SNTG1: variants seen among roughly 807,000 people sequenced by gnomAD.
SNTG1 encodes the protein syntrophin gamma 1, also known as gamma-1-syntrophin.
A neutral mutation model predicts 74.7 loss-of-function variants in SNTG1; 39 were observed. The observed-to-expected ratio is 0.52, with a 90% confidence interval of 0.40 to 0.68. The LOEUF is 0.68. Ranked by LOEUF, SNTG1 falls within the 30% of genes least tolerant of loss-of-function variation. The probability of loss-of-function intolerance (pLI) is 0.00; values close to 1 mark genes in which losing one functional copy is unlikely to be tolerated. For synonymous variants in SNTG1, 254 were observed against 217.1 expected, an observed-to-expected ratio of 1.17 and a Z score of -1.49; for missense variants, 685 against 609.5, an observed-to-expected ratio of 1.12 and a Z score of -1.30.
chr8:49,917,083 T>C (rs6991925), intron 1 of SNTG1, among the ~76,000 whole-genome samples: 78,271 of 151,740 alleles, frequency 0.52, 22,745 homozygotes, highest in East Asian at 0.83. Context: ...GAAATAAGTA[T>C]GTGAGATTAA....
rs190860916 is a variant in SNTG1, at chr8:50,115,719, T to C, written c.-102-56842T>C. On this transcript the variant is annotated intron_variant, in intron 1 of 18. Coordinates refer to ENST00000642720, the MANE Select transcript of SNTG1 (RefSeq NM_018967.5). The stretch of plus-strand genomic sequence containing the variant: ...TGTGTGTGTGTCTAGAACTTTATTG[T>C]TTACATTGCATTTTATTGTTTACAT... Among the ~76,000 whole-genome samples, 9 of 152,080 alleles carry C rather than the reference T, an allele frequency of 5.9e-5. No homozygotes were observed. In the East Asian group the frequency reaches 1.7e-3, roughly 29 times the overall value.
At chr8:50,764,858 C>A (rs1248102483) in intron 18 of SNTG1, among the ~76,000 whole-genome samples, 2 of 151,786 alleles carry the variant, frequency 1.3e-5, no homozygotes, top group African/African-American at 2.4e-5. Flanking sequence ...CTCACAATAG[C>A]CAACACACAG....
chr8:50,704,614 G>A lies in SNTG1; in HGVS notation c.1053G>A (p.Leu351=). ...GTTTTCACCAGGACAGTGACCTGCTGGACCGACGGAAACAGTGCTTCACCG... is the reference window on the plus strand; with the variant it reads ...GTTTTCACCAGGACAGTGACCTGCTAGACCGACGGAAACAGTGCTTCACCG... ...MCKILKDSDL[L]DRRKQCFTVQ... is the part of the protein sequence containing the mutation. The change falls in exon 16 of 19, where the codon CTG becomes CTA. Residue 351 remains leucine (L), a synonymous_variant. Transcript: ENST00000642720. 1 of 1,614,120 alleles carries A rather than the reference G, an allele frequency of 6.2e-7. No homozygotes were observed. The highest frequency in any genetic ancestry group is 8.5e-7 in the Non-Finnish European group (1 of 1,180,018).
At chr8:50,701,015 G>A (rs2095421749) in intron 15 of SNTG1, among the ~76,000 whole-genome samples, 1 of 152,094 alleles carries the variant, frequency 6.6e-6, no homozygotes, top group African/African-American at 2.4e-5. Flanking sequence ...GTAAAGTTTT[G>A]CTAAGAGAAT....
intron 4 of SNTG1, among the ~76,000 whole-genome samples, chr8:50,408,848 C>A (rs2092912521): frequency 6.6e-6 from 1 of 152,114 alleles, no homozygotes. Flanking sequence ...GTAAGGGCAG[C>A]CTCTGTGAGA....
chr8:50,374,755 T>A (rs1026930008), intron 2 of SNTG1, among the ~76,000 whole-genome samples: 11 of 152,230 alleles, frequency 7.2e-5, no homozygotes, highest in African/African-American at 2.7e-4. Context: ...ATATTTGGCT[T>A]CTACACAGCA....
chr8:50,249,330 C>A (rs920947170), intron 2 of SNTG1, among the ~76,000 whole-genome samples: 9 of 152,198 alleles, frequency 5.9e-5, no homozygotes, highest in Admixed American at 5.9e-4. Flanking sequence ...CAGAGTTCTG[C>A]ATAGCAGCAA....
intron 15 of SNTG1, among the ~76,000 whole-genome samples, chr8:50,670,421 T>G (rs1245716672): frequency 3.3e-5 from 5 of 151,760 alleles, no homozygotes; most frequent in African/African-American, 1.2e-4. Flanking sequence ...GAGCCAAATC[T>G]TGAGGGAACT....
intron 16 of SNTG1, 121 bp downstream of exon 16, chr8:50,704,873 A>T: frequency 8.9e-7 from 1 of 1,119,968 alleles, no homozygotes; most frequent in South Asian, 1.6e-5. Context: ...GACCTCATAT[A>T]CATTCTATAA....
chr8:50,527,234 C>T (rs2094228417), intron 9 of SNTG1, among the ~76,000 whole-genome samples: 1 of 152,018 alleles, frequency 6.6e-6, no homozygotes, highest in Non-Finnish European at 1.5e-5. Flanking sequence ...AAAATATTAT[C>T]TATATAAGCC....
Position 50,612,314 on chromosome 8 carries a change from TA to T in SNTG1, c.849+21402del, listed in dbSNP as rs201754536. 5.4e-3 allele frequency among the ~76,000 whole-genome samples: 825 copies of T among 152,304 alleles called. 7 individuals carry two copies. The highest frequency in any genetic ancestry group is 0.019 in the African/African-American group (772 of 41,568). The stretch of plus-strand genomic sequence containing the variant: ...ATGCACAGAAAAAAAGTATTTCATT[TA>T]AAAATGTCTTTAGATCTAGTAGAAT... On this transcript the variant is annotated intron_variant, in intron 13 of 18. Coordinates refer to ENST00000642720, the MANE Select transcript of SNTG1 (RefSeq NM_018967.5).
intron 2 of SNTG1, among the ~76,000 whole-genome samples, chr8:50,222,826 G>C (rs1000123958): frequency 1.3e-5 from 2 of 152,126 alleles, no homozygotes; most frequent in African/African-American, 4.8e-5. Context: ...GCAGACAGAA[G>C]CAAATGTAGA....
Position 50,794,993 on chromosome 8 carries a change from A to G in SNTG1, c.*2164A>G, listed in dbSNP as rs909687004. 2 of 152,008 alleles carry G rather than the reference A, an allele frequency of 1.3e-5. No homozygotes were observed. The highest frequency in any genetic ancestry group is 2.9e-5 in the Non-Finnish European group (2 of 67,960). The allele number at this position is 152,008 out of a possible 1,614,324, so 9.4% of individuals were successfully genotyped here. The stretch of plus-strand genomic sequence containing the variant: ...TACGAAGGAAAAGGTGCACAATGAG[A>G]TATGTATAAATATATATCTCCTCAG... On this transcript the variant is annotated 3_prime_UTR_variant, in exon 19 of 19. Transcript: ENST00000642720.
chr8:50,174,699 GA>G (rs2082931832), intron 2 of SNTG1, among the ~76,000 whole-genome samples: 1 of 152,066 alleles, frequency 6.6e-6, no homozygotes, highest in South Asian at 2.1e-4. Flanking sequence ...GAGGAAAAAA[GA>G]AGCATTTTTT....
At chr8:49,986,431 C>T (rs1455521949) in intron 1 of SNTG1, among the ~76,000 whole-genome samples, 1 of 152,118 alleles carries the variant, frequency 6.6e-6, no homozygotes, top group Non-Finnish European at 1.5e-5. Flanking sequence ...AGGTATCACA[C>T]CAGGCAAATC....
intron 1 of SNTG1, among the ~76,000 whole-genome samples, chr8:50,080,722 TTTG>T: frequency 6.6e-6 from 1 of 152,284 alleles, no homozygotes; most frequent in Non-Finnish European, 1.5e-5. Context: ...AACTGATCAA[TTTG>T]TTATTGTAGT....
At chr8:50,717,751 T>C (rs1486361942) in intron 17 of SNTG1, among the ~76,000 whole-genome samples, 4 of 152,200 alleles carry the variant, frequency 2.6e-5, no homozygotes, top group African/African-American at 4.8e-5. Flanking sequence ...TATGGTAAAG[T>C]GTAAGCAAGA....
At chr8:50,144,516 CTT>C (rs1422017542) in intron 1 of SNTG1, among the ~76,000 whole-genome samples, 1 of 152,160 alleles carries the variant, frequency 6.6e-6, no homozygotes, top group Non-Finnish European at 1.5e-5. Flanking sequence ...GGACCTAGTC[CTT>C]TAAGGTGCTG....
At position 49,912,587 on chromosome 8, in the gene SNTG1, G is replaced by A. The variant is rs77487225; in HGVS notation, c.-103+356G>A. On this transcript the variant is annotated intron_variant, in intron 1 of 18. Coordinates refer to ENST00000642720, the MANE Select transcript of SNTG1 (RefSeq NM_018967.5). ...AAAGTGATCCTGTCTGTGTTACATA[G>A]TATGCAAGACTAAAAAAGTTAAAAT... is the stretch of plus-strand genomic sequence containing the variant. Among the ~76,000 whole-genome samples, 244 of 152,252 alleles carry A rather than the reference G, an allele frequency of 1.6e-3. 3 individuals are homozygous for A. Among genetic ancestry groups the A allele is most frequent in the African/African-American group, 3.4e-3 (142 of 41,544 alleles).
Sources: gnomAD v4.1 joint callset for allele counts (sites outside exome capture counted in the v4.1 genomes callset) on GRCh38, gnomAD v4.1.1 for gene constraint, MANE v1.5 for transcripts, NCBI Gene and HGNC (gene_info 2026-07-23, HGNC 2026-07-21) for gene names.